RANBP2: variants seen among roughly 807,000 people sequenced by gnomAD.
RANBP2 encodes E3 SUMO-protein ligase RanBP2.
RANBP2 carries 57 observed loss-of-function variants against 303.6 expected under a neutral mutation model. That is an observed-to-expected ratio of 0.19 (90% confidence interval 0.15 to 0.23). The LOEUF is 0.23. RANBP2 is among the 10% of genes least tolerant of loss of function. RANBP2 has a pLI of 1.00. For missense variants in RANBP2, 3,138 were observed against 3,780.8 expected, an observed-to-expected ratio of 0.83 and a Z score of 4.46; for synonymous variants, 1,167 against 1,301.5, an observed-to-expected ratio of 0.90 and a Z score of 2.23.
the RANBP2 span, chr2:108,846,742 C>T: frequency 1.2e-5 from 20 of 1,604,752 alleles, no homozygotes; most frequent in Admixed American, 3.5e-5. Context: ...TAACAGCACT[C>T]GACTATGACA....
At chr2:109,496,719 C>T in the RANBP2 span, among the ~76,000 whole-genome samples, 1 of 152,224 alleles carries the variant, frequency 6.6e-6, no homozygotes, top group Non-Finnish European at 1.5e-5. Context: ...GAATAATGGC[C>T]CCCAAAGATG....
the RANBP2 span, among the ~76,000 whole-genome samples, chr2:109,162,836 G>T: frequency 6.6e-6 from 1 of 151,994 alleles, no homozygotes; most frequent in Admixed American, 6.6e-5. Flanking sequence ...CCCTTGGCTG[G>T]GTCCTTTTCT....
the RANBP2 span, among the ~76,000 whole-genome samples, chr2:109,336,762 C>T: frequency 9.2e-5 from 14 of 152,158 alleles, no homozygotes; most frequent in Admixed American, 8.5e-4. Context: ...GTTGGCAAAG[C>T]GTTTTGTAAC....
At chr2:108,853,856 ATATATAATATATATAC>A in the RANBP2 span, among the ~76,000 whole-genome samples, 2 of 127,768 alleles carry the variant, frequency 1.6e-5, no homozygotes, top group Admixed American at 9.6e-5. Context: ...TATATACTAT[ATATATAATATATATAC>A]TATATAATAT....
chr2:109,358,577 T>G, the RANBP2 span, among the ~76,000 whole-genome samples: 2 of 152,228 alleles, frequency 1.3e-5, no homozygotes, highest in East Asian at 3.8e-4. Context: ...CTACACTGTC[T>G]TCTTTGGTGA....
chr2:109,581,156 T>C, the RANBP2 span, among the ~76,000 whole-genome samples: 1 of 152,152 alleles, frequency 6.6e-6, no homozygotes, highest in Non-Finnish European at 1.5e-5. Flanking sequence ...TCAGTAAAGT[T>C]AGGCCGGGAG....
At chr2:108,987,785 C>T in the RANBP2 span, among the ~76,000 whole-genome samples, 12 of 152,192 alleles carry the variant, frequency 7.9e-5, no homozygotes, top group Admixed American at 7.9e-4. Flanking sequence ...GTCATCGGAA[C>T]GAACGCTTAT....
the RANBP2 span, among the ~76,000 whole-genome samples, chr2:109,169,930 A>G: frequency 6.6e-6 from 1 of 152,188 alleles, no homozygotes. Context: ...GTGCAGAAGT[A>G]TATGAGTTTT....
the RANBP2 span, among the ~76,000 whole-genome samples, chr2:109,315,074 A>T: frequency 1.3e-5 from 2 of 152,268 alleles, no homozygotes; most frequent in Admixed American, 6.5e-5. Flanking sequence ...ACACGTTTCC[A>T]TCAGTGCAGA....
the RANBP2 span, among the ~76,000 whole-genome samples, chr2:109,604,658 C>T: frequency 1.4e-5 from 2 of 146,842 alleles, no homozygotes; most frequent in African/African-American, 2.5e-5. Context: ...ACCGGGGAGG[C>T]GGAGCTTACA....
chr2:108,976,760 T>C, the RANBP2 span, among the ~76,000 whole-genome samples: 1 of 152,242 alleles, frequency 6.6e-6, no homozygotes, highest in African/African-American at 2.4e-5. Context: ...GGAGCTCTTT[T>C]AGTTGGTTTG....
chr2:108,812,216 A>G, the RANBP2 span, among the ~76,000 whole-genome samples: 1 of 152,264 alleles, frequency 6.6e-6, no homozygotes, highest in East Asian at 1.9e-4. Flanking sequence ...TTCCATATAT[A>G]TATACATATC....
At chr2:109,703,499 G>A in the RANBP2 span, among the ~76,000 whole-genome samples, 10 of 152,308 alleles carry the variant, frequency 6.6e-5, no homozygotes, top group East Asian at 1.2e-3. Context: ...CACTATCTCG[G>A]CTCACTGCAA....
At chr2:109,430,993 G>A in the RANBP2 span, among the ~76,000 whole-genome samples, 6 of 152,226 alleles carry the variant, frequency 3.9e-5, no homozygotes, top group South Asian at 2.1e-4. Context: ...TAGGATGTTC[G>A]AAAAGGGGGG....
chr2:108,959,986 G>C, the RANBP2 span, among the ~76,000 whole-genome samples: 1 of 152,194 alleles, frequency 6.6e-6, no homozygotes, highest in Admixed American at 6.5e-5. Flanking sequence ...AAACATGCTA[G>C]TCTGCAGCCA....
the RANBP2 span, among the ~76,000 whole-genome samples, chr2:109,570,143 T>G: frequency 1.3e-5 from 2 of 152,198 alleles, no homozygotes; most frequent in Non-Finnish European, 2.9e-5. Flanking sequence ...CTGTCTAGTT[T>G]GTACAATAGA....
At chr2:109,129,098 T>G in the RANBP2 span, 6 of 357,008 alleles carry the variant, frequency 1.7e-5, no homozygotes, top group Non-Finnish European at 3.3e-5. Context: ...GCTCGCCAGC[T>G]GCGCGGAGGA....
the RANBP2 span, among the ~76,000 whole-genome samples, chr2:109,374,439 T>C: frequency 6.6e-6 from 1 of 152,210 alleles, no homozygotes; most frequent in African/African-American, 2.4e-5. Flanking sequence ...ACACACCACA[T>C]GGATCCTGGT....
At chr2:109,545,994 A>G in the RANBP2 span, 25 of 1,515,392 alleles carry the variant, frequency 1.6e-5, no homozygotes, top group Admixed American at 5.8e-4. Context: ...AAGATCCGAC[A>G]GGGCAATGTG....
Sources: allele counts gnomAD v4.1 joint callset (sites outside exome capture counted in the v4.1 genomes callset), GRCh38; gene constraint gnomAD v4.1.1; transcripts MANE v1.5; gene names NCBI Gene and HGNC (gene_info 2026-07-23, HGNC 2026-07-21).